The following DOCK9 variants were observed in gnomAD, a reference collection of about 807,000 sequenced individuals.
DOCK9 encodes dedicator of cytokinesis protein 9.
In DOCK9, 89 loss-of-function variants were observed where a neutral mutation model predicts 263.3. That is an observed-to-expected ratio of 0.34 (90% CI 0.28 to 0.40). The LOEUF is 0.40. Among genes scored for constraint, DOCK9 ranks in the 10% least tolerant of loss-of-function variants. The pLI is 1.00. For missense variants in DOCK9, 2,140 were observed against 2,603.4 expected, an observed-to-expected ratio of 0.82 and a Z score of 3.87; for synonymous variants, 976 against 973.1, an observed-to-expected ratio of 1.00 and a Z score of -0.06.
At chr13:98,974,778 A>G (rs2141439563) in intron 1 of DOCK9, among the ~76,000 whole-genome samples, 1 of 148,794 alleles carries the variant, frequency 6.7e-6, no homozygotes, top group Admixed American at 6.7e-5. Context: ...AAAAAAGAAC[A>G]ACTCCACCTC....
At chr13:99,071,306 C>CCTTTTTTTTTTT (rs1286343497) in intron 1 of DOCK9, among the ~76,000 whole-genome samples, 2 of 49,330 alleles carry the variant, frequency 4.1e-5, no homozygotes, top group East Asian at 6.7e-4. Context: ...CCATGCCTGG[C>CCTTTTTTTTTTT]TTTTTTTTTT....
intron 2 of DOCK9, among the ~76,000 whole-genome samples, chr13:98,935,047 G>A (rs1321486914): frequency 6.6e-6 from 1 of 152,152 alleles, no homozygotes; most frequent in Non-Finnish European, 1.5e-5. Flanking sequence ...GAGCACAGAA[G>A]CACAGGATGA....
intron 2 of DOCK9, 23 bp downstream of exon 2, chr13:98,955,412 G>T: frequency 6.7e-7 from 1 of 1,495,856 alleles, no homozygotes; most frequent in Non-Finnish European, 9.1e-7. Flanking sequence ...TGGTTCTACG[G>T]ATAGAAACAT....
chr13:99,020,651 T>C (rs545902665), intron 1 of DOCK9, among the ~76,000 whole-genome samples: 6 of 152,320 alleles, frequency 3.9e-5, no homozygotes, highest in Non-Finnish European at 5.9e-5. Flanking sequence ...TTTTGATTGG[T>C]AGACGTATTT....
At chr13:98,998,026 A>T (rs1307703354) in intron 1 of DOCK9, among the ~76,000 whole-genome samples, 1 of 152,196 alleles carries the variant, frequency 6.6e-6, no homozygotes. Flanking sequence ...AACCACAGAA[A>T]CATCTCCAGG....
At chr13:98,909,248 C>T (rs1262141594) in intron 9 of DOCK9, among the ~76,000 whole-genome samples, 2 of 152,196 alleles carry the variant, frequency 1.3e-5, no homozygotes, top group Non-Finnish European at 2.9e-5. Context: ...CACCCCACCC[C>T]ATCCTGTAAA....
At chr13:98,920,663 G>A (rs538993960) in intron 7 of DOCK9, among the ~76,000 whole-genome samples, 3 of 152,236 alleles carry the variant, frequency 2.0e-5, no homozygotes, top group South Asian at 2.1e-4. Flanking sequence ...CTCATTTGCC[G>A]TATTAAAGAA....
In DOCK9 at chr13:98,848,557, A is replaced by C. The variant is rs187726436; in HGVS notation, c.4061+35T>G. ...ACAATCAGAGCCAGGCATCACAGAA[A>C]ACAACACGTTTCGAATGAAAACGCC... On this transcript the variant is annotated intron_variant, in intron 37 of 52. Transcript: ENST00000682017. The C allele has an allele frequency of 2.5e-3, 4,013 of 1,600,426 alleles. 14 individuals are homozygous for C. The highest frequency in any genetic ancestry group is 3.7e-3 in the South Asian group (325 of 87,824).
At chr13:99,087,560 ACTTTCCC>A (rs1326419723), upstream of DOCK9, among the ~76,000 whole-genome samples, 1 of 151,496 alleles carries the variant, frequency 6.6e-6, no homozygotes, top group Non-Finnish European at 1.5e-5. Context: ...CCTGTGAGGG[ACTTTCCC>A]CCCAATACCC....
chr13:98,980,144 C>G (rs1876828670), upstream of DOCK9, among the ~76,000 whole-genome samples: 1 of 152,292 alleles, frequency 6.6e-6, no homozygotes, highest in South Asian at 2.1e-4. Flanking sequence ...CTGCCTAAGC[C>G]CCTCAAGTAG....
Position 98,855,245 on chromosome 13 carries a change from G to A in DOCK9, c.3831+653C>T, listed in dbSNP as rs369554150. 1.1e-4 allele frequency among the ~76,000 whole-genome samples: 17 copies of A among 152,320 alleles called. No individual in the cohort carries two copies. In the East Asian group the frequency reaches 1.7e-3, roughly 16 times the overall value. On this transcript the variant is annotated intron_variant, in intron 34 of 52. Transcript: ENST00000682017. ...CAGACCTAACACCCTTGTGGGTGGA[G>A]AGCTGTGTTGATGATGGTGTCTCTG...
At chr13:99,010,108 T>G (rs898780534) in intron 1 of DOCK9, among the ~76,000 whole-genome samples, 1 of 152,218 alleles carries the variant, frequency 6.6e-6, no homozygotes, top group African/African-American at 2.4e-5. Flanking sequence ...TTTCTCCTCT[T>G]GTGACAAGCA....
intron 1 of DOCK9, among the ~76,000 whole-genome samples, chr13:98,956,597 A>C (rs2058086090): frequency 6.6e-6 from 1 of 151,926 alleles, no homozygotes; most frequent in Non-Finnish European, 1.5e-5. Context: ...AAGTATAAAA[A>C]TTAGCCAGGC....
chr13:98,969,873 A>G (rs1220995099), intron 1 of DOCK9, among the ~76,000 whole-genome samples: 2 of 152,256 alleles, frequency 1.3e-5, no homozygotes, highest in Admixed American at 6.5e-5. Flanking sequence ...AGATGAGGTC[A>G]GCAGGCAAAT....
intron 45 of DOCK9, among the ~76,000 whole-genome samples, chr13:98,820,349 C>T (rs1427960779): frequency 1.3e-5 from 2 of 152,144 alleles, no homozygotes; most frequent in African/African-American, 2.4e-5. Flanking sequence ...AAAATCCACA[C>T]AAATGTGAAA....
intron 45 of DOCK9, among the ~76,000 whole-genome samples, chr13:98,813,243 T>G (rs1229670722): frequency 6.6e-6 from 1 of 152,232 alleles, no homozygotes; most frequent in Admixed American, 6.5e-5. Flanking sequence ...GGCTAGAACC[T>G]CCAGCATGAT....
intron 18 of DOCK9, among the ~76,000 whole-genome samples, chr13:98,887,612 T>C (rs1393963694): frequency 8.1e-3 from 144 of 17,856 alleles, no homozygotes; most frequent in African/African-American, 0.028. Flanking sequence ...CGAGACTCCA[T>C]CTCAAAAAAA....
chr13:99,058,576 C>T (rs1414900798), intron 1 of DOCK9, among the ~76,000 whole-genome samples: 1 of 152,164 alleles, frequency 6.6e-6, no homozygotes, highest in Non-Finnish European at 1.5e-5. Context: ...CCTAATGCTG[C>T]ACCTCTTCCC....
chr13:99,076,099 T>A (rs142737993), intron 1 of DOCK9, among the ~76,000 whole-genome samples: 1 of 151,884 alleles, frequency 6.6e-6, no homozygotes, highest in African/African-American at 2.4e-5. Context: ...AAGAAAGAAA[T>A]AGAAAGTAAA....
Sources: gnomAD v4.1 joint callset for allele counts (sites outside exome capture counted in the v4.1 genomes callset) on GRCh38, gnomAD v4.1.1 for gene constraint, MANE v1.5 for transcripts, NCBI Gene and HGNC (gene_info 2026-07-23, HGNC 2026-07-21) for gene names.